The following MRPL35 variants were observed in gnomAD, a reference collection of about 807,000 sequenced individuals.
MRPL35 encodes the protein mitochondrial ribosomal protein L35, also known as large ribosomal subunit protein bL35m.
Under a neutral mutation model 21.6 loss-of-function variants are expected in MRPL35, and 18 were observed. The ratio of observed to expected loss-of-function variants is 0.83; its 90% CI spans 0.58 to 1.24. The LOEUF is 1.24. Among genes scored for constraint, MRPL35 ranks in the 50% most tolerant of loss-of-function variants. The pLI, the probability that MRPL35 is intolerant of heterozygous loss-of-function variation, is 0.00. For missense variants in MRPL35, 223 were observed against 223.2 expected, an observed-to-expected ratio of 1.00 and a Z score of 0.01; for synonymous variants, 87 against 86.9, an observed-to-expected ratio of 1.00 and a Z score of -0.01.
At chr2:86,203,525 A>G (rs10187875) in intron 1 of MRPL35, among the ~76,000 whole-genome samples, 134,504 of 152,238 alleles carry the variant, frequency 0.88, 59,742 homozygotes, top group East Asian at 0.98. Context: ...AATGAATTTC[A>G]TGTTTGGACT....
intron 1 of MRPL35, among the ~76,000 whole-genome samples, chr2:86,200,933 T>C (rs1171498086): frequency 6.6e-6 from 1 of 152,212 alleles, no homozygotes. Flanking sequence ...CCCAAAGTGC[T>C]GGGATTACGG....
intron 3 of MRPL35, 23 bp from the exon 4 acceptor site, chr2:86,210,457 C>G: frequency 6.3e-7 from 1 of 1,582,474 alleles, no homozygotes; most frequent in South Asian, 1.1e-5. Flanking sequence ...TGATGTTTTA[C>G]ATTTCTTTGT....
chr2:86,212,967 ACTGT>A lies in MRPL35; in HGVS notation c.*2302_*2305del. The A allele has an allele frequency of 2.9e-6, 2 of 684,364 alleles. No individual in the cohort carries two copies. The highest frequency in any genetic ancestry group is 7.6e-4 in the Middle Eastern group (1 of 1,322). The allele number at this position is 684,364 out of a possible 1,614,324, so 42.4% of individuals were successfully genotyped here. A position where few individuals can be genotyped will look rare whatever the true frequency, so the allele number is the denominator to read the frequency against. The stretch of plus-strand genomic sequence containing the variant: ...TATCTACAAAACTGGGTACATACAT[ACTGT>A]CTAACTGCTAATCCACATTTCCAGT... On this transcript the variant is annotated 3_prime_UTR_variant, in exon 4 of 4. Coordinates refer to ENST00000337109, the MANE Select transcript of MRPL35 (RefSeq NM_016622.4).
chr2:86,211,412 AG>A lies in MRPL35; in HGVS notation c.*746del. 1 of 985,446 alleles carries A rather than the reference AG, an allele frequency of 1.0e-6. No homozygotes were observed. Among genetic ancestry groups the A allele is most frequent in the Non-Finnish European group, 1.2e-6 (1 of 829,954 alleles). The allele number at this position is 985,446 out of a possible 1,614,324, so 61.0% of individuals were successfully genotyped here. ...AGTAGGGATTGGCTGTCCTTAAGTC[AG>A]GAGCCCGCTTTGTATTAGCAGGTTT... On this transcript the variant is annotated 3_prime_UTR_variant, in exon 4 of 4. Transcript: ENST00000337109.
Position 86,213,085 on chromosome 2 carries a change from C to A in MRPL35, c.*2417C>A, listed in dbSNP as rs1673943430. ...AGGGTTAAGTAAATTACCCAAAGTA[C>A]AGCTAATAAGACCCAGAATCTCAGT... On this transcript the variant is annotated 3_prime_UTR_variant, in exon 4 of 4. Transcript: ENST00000337109. The A allele has an allele frequency of 2.0e-6, 2 of 982,852 alleles. No individual in the cohort carries two copies. Among genetic ancestry groups the A allele is most frequent in the Non-Finnish European group, 2.4e-6 (2 of 827,648 alleles). 60.9% of individuals were successfully genotyped at this position (982,852 alleles called of 1,614,324 possible).
chr2:86,205,596 G>A (rs545465650), intron 1 of MRPL35, among the ~76,000 whole-genome samples: 3 of 152,238 alleles, frequency 2.0e-5, no homozygotes, highest in Non-Finnish European at 2.9e-5. Flanking sequence ...CTTTGCTTAT[G>A]TTGTTCGTCC....
At position 86,212,582 on chromosome 2, in the gene MRPL35, T is replaced by C; in HGVS notation, c.*1914T>C. ...GCCTCCATGATGTCTTTATTGCAAA[T>C]ATGGATGACAAGGGTCTCTGTTACA... On this transcript the variant is annotated 3_prime_UTR_variant, in exon 4 of 4. Coordinates refer to ENST00000337109, the MANE Select transcript of MRPL35 (RefSeq NM_016622.4). The C allele has an allele frequency of 1.3e-6, 2 of 1,492,112 alleles. No homozygotes were observed. Among genetic ancestry groups the C allele is most frequent in the Non-Finnish European group, 1.8e-6 (2 of 1,122,800 alleles). The allele number at this position is 1,492,112 out of a possible 1,614,324, so 92.4% of individuals were successfully genotyped here.
intron 1 of MRPL35, 50 bp from the exon 2 acceptor site, chr2:86,206,056 T>C: frequency 7.0e-7 from 1 of 1,431,984 alleles, no homozygotes; most frequent in Non-Finnish European, 9.6e-7. Flanking sequence ...ATTTTTAATA[T>C]CTGGATGCAT....
At chr2:86,208,919 C>T (rs997613577) in intron 3 of MRPL35, among the ~76,000 whole-genome samples, 1 of 152,194 alleles carries the variant, frequency 6.6e-6, no homozygotes, top group Non-Finnish European at 1.5e-5. Context: ...TTTCATCCAG[C>T]AGTCCTTGGT....
chr2:86,211,014 A>C lies in MRPL35; in HGVS notation c.*346A>C. On this transcript the variant is annotated 3_prime_UTR_variant, in exon 4 of 4. Coordinates refer to ENST00000337109, the MANE Select transcript of MRPL35 (RefSeq NM_016622.4). ...CAAGCAATGTGACATTATTTCAAGG[A>C]TATGTGCCAGGGAATTCAGGAACCA... 1.0e-6 allele frequency: 1 copy of C among 998,328 alleles called. No homozygotes were observed. Among genetic ancestry groups the C allele is most frequent in the Non-Finnish European group, 1.2e-6 (1 of 838,232 alleles). The allele number at this position is 998,328 out of a possible 1,614,324, so 61.8% of individuals were successfully genotyped here.
At position 86,211,661 on chromosome 2, in the gene MRPL35, A is replaced by T; in HGVS notation, c.*993A>T. The T allele has an allele frequency of 5.1e-6, 5 of 985,398 alleles. No individual in the cohort carries two copies. The highest frequency in any genetic ancestry group is 6.0e-6 in the Non-Finnish European group (5 of 829,934). 61.0% of individuals were successfully genotyped at this position (985,398 alleles called of 1,614,324 possible). ...ACAAGGGCTTTTTATGCAAGTTTTG[A>T]AAGATAGGTATTTATTTTTTCTAGA... is the stretch of plus-strand genomic sequence containing the variant. On this transcript the variant is annotated 3_prime_UTR_variant, in exon 4 of 4. Coordinates refer to ENST00000337109, the MANE Select transcript of MRPL35 (RefSeq NM_016622.4).
At chr2:86,207,153 C>A in intron 2 of MRPL35, 30 bp from the exon 3 acceptor site, 1 of 1,545,758 alleles carries the variant, frequency 6.5e-7, no homozygotes, top group East Asian at 2.5e-5. Flanking sequence ...AGTCTGATTA[C>A]AAGCTAAAAA....
At position 86,207,543 on chromosome 2, in the gene MRPL35, A is replaced by G. The variant is rs551312767; in HGVS notation, c.378+216A>G. Among the ~76,000 whole-genome samples the G allele has an allele frequency of 3.9e-5, 6 of 152,362 alleles. No individual in the cohort carries two copies. In the South Asian group the frequency reaches 8.3e-4, roughly 21 times the overall value. The stretch of plus-strand genomic sequence containing the variant: ...CCAGCTACTCGGGAGGCTGAGGCAC[A>G]TAATTGCTTGAACCCGGGAGGTGGA... On this transcript the variant is annotated intron_variant, in intron 3 of 3. Transcript: ENST00000337109.
At position 86,209,546 on chromosome 2, in the gene MRPL35, T is replaced by G. The variant is rs181934055; in HGVS notation, c.379-934T>G. Among the ~76,000 whole-genome samples the G allele has an allele frequency of 3.6e-3, 550 of 152,340 alleles. 4 individuals are homozygous for G. Among genetic ancestry groups the G allele is most frequent in the Non-Finnish European group, 6.3e-3 (429 of 68,026 alleles). ...AATGAATAATACCTGTATGGGTGTA[T>G]ATGAAAGTTCTGGGTTAAATATGTG... On this transcript the variant is annotated intron_variant, in intron 3 of 3. Transcript: ENST00000337109.
At chr2:86,208,297 G>A (rs1673841136) in intron 3 of MRPL35, among the ~76,000 whole-genome samples, 2 of 151,336 alleles carry the variant, frequency 1.3e-5, no homozygotes, top group South Asian at 4.2e-4. Context: ...CCTTTTGTGT[G>A]TATGTGTTTT....
chr2:86,202,496 G>A (rs1002790825), intron 1 of MRPL35, among the ~76,000 whole-genome samples: 3 of 152,168 alleles, frequency 2.0e-5, no homozygotes, highest in Non-Finnish European at 4.4e-5. Flanking sequence ...ATCTGATGAC[G>A]TGTGAAAATT....
chr2:86,205,335 A>T (rs1673767739), intron 1 of MRPL35, among the ~76,000 whole-genome samples: 1 of 152,220 alleles, frequency 6.6e-6, no homozygotes. Context: ...GAAATAGGTT[A>T]CTGTTCATTA....
chr2:86,204,190 G>A (rs1191130327), intron 1 of MRPL35, among the ~76,000 whole-genome samples: 4 of 151,900 alleles, frequency 2.6e-5, no homozygotes, highest in Non-Finnish European at 5.9e-5. Context: ...CTCCATGTTG[G>A]TCAGGCTGGT....
chr2:86,203,015 T>C (rs1411429036), intron 1 of MRPL35, among the ~76,000 whole-genome samples: 1 of 151,740 alleles, frequency 6.6e-6, no homozygotes, highest in East Asian at 1.9e-4. Flanking sequence ...CATATTAATA[T>C]ACAGGTTAGG....
Sources: gnomAD v4.1 joint callset for allele counts (sites outside exome capture counted in the v4.1 genomes callset) on GRCh38, gnomAD v4.1.1 for gene constraint, MANE v1.5 for transcripts, NCBI Gene and HGNC (gene_info 2026-07-23, HGNC 2026-07-21) for gene names.